ST18: variants seen among roughly 807,000 people sequenced by gnomAD.
The protein encoded by ST18 is suppression of tumorigenicity 18 protein.
A neutral mutation model predicts 110.0 loss-of-function variants in ST18; 50 were observed. The observed-to-expected ratio is 0.45, with a 90% CI of 0.36 to 0.58. The LOEUF (loss-of-function observed/expected upper bound fraction) is 0.58, where lower values mean the gene tolerates loss of function less well. ST18 is among the 20% of genes least tolerant of loss of function. The pLI, the probability that ST18 is intolerant of heterozygous loss-of-function variation, is 0.00. For synonymous variants in ST18, 461 were observed against 452.4 expected, an observed-to-expected ratio of 1.02 and a Z score of -0.24; for missense variants, 1,306 against 1,280.1, an observed-to-expected ratio of 1.02 and a Z score of -0.31.
chr8:52,181,696 T>C (rs1233562017), intron 8 of ST18, among the ~76,000 whole-genome samples: 1 of 152,108 alleles, frequency 6.6e-6, no homozygotes, highest in Non-Finnish European at 1.5e-5. Flanking sequence ...CAGATGACTG[T>C]GGGAGCAAAC....
At chr8:52,165,915 A>G (rs1230462334) in intron 11 of ST18, among the ~76,000 whole-genome samples, 3 of 152,216 alleles carry the variant, frequency 2.0e-5, no homozygotes, top group African/African-American at 7.2e-5. Flanking sequence ...ATATTGTACA[A>G]TGTAGAAGGT....
intron 8 of ST18, among the ~76,000 whole-genome samples, chr8:52,187,523 C>A (rs2072803192): frequency 6.6e-6 from 1 of 152,124 alleles, no homozygotes; most frequent in Non-Finnish European, 1.5e-5. Flanking sequence ...AAAAAGCTTT[C>A]CAAATTAACA....
chr8:52,343,346 G>A (rs977442765), intron 2 of ST18, among the ~76,000 whole-genome samples: 2 of 152,058 alleles, frequency 1.3e-5, no homozygotes, highest in Admixed American at 6.5e-5. Flanking sequence ...TCAAGTTCAC[G>A]CTCCTCATCT....
chr8:52,293,351 G>A (rs1215733828), intron 2 of ST18, among the ~76,000 whole-genome samples: 1 of 152,258 alleles, frequency 6.6e-6, no homozygotes, highest in Non-Finnish European at 1.5e-5. Flanking sequence ...CTCTAGGGAA[G>A]AGGGAAAGGC....
At chr8:52,273,893 A>G (rs922281904) in intron 2 of ST18, among the ~76,000 whole-genome samples, 3 of 152,246 alleles carry the variant, frequency 2.0e-5, no homozygotes, top group Admixed American at 6.5e-5. Context: ...TTAACAAGGC[A>G]ATTCATTAAA....
At chr8:52,187,601 T>G (rs1318949700) in intron 8 of ST18, among the ~76,000 whole-genome samples, 1 of 152,228 alleles carries the variant, frequency 6.6e-6, no homozygotes, top group African/African-American at 2.4e-5. Context: ...AACTTTTTCT[T>G]AAAGGATAAT....
intron 8 of ST18, among the ~76,000 whole-genome samples, chr8:52,208,721 G>C (rs565959106): frequency 1.3e-5 from 2 of 152,330 alleles, no homozygotes; most frequent in East Asian, 3.9e-4. Context: ...GGGAGGCTGA[G>C]GCAGGAGAAT....
rs752634934 is a variant in ST18 at position 52,132,159 on chromosome 8, T to A, written c.2465A>T (p.Asp822Val). ...PELKCPVIGC[D>V]GQGHISGKYT... ...TTTACCTGATATGTGACCTTGGCCA[T>A]CACACCCTATCACAGGACATCTAGA... The change falls in exon 22 of 26, where the codon GAT becomes GTT. Residue 822 changes from aspartate to valine, a missense_variant. Physicochemically the swap from Asp to Val is radical, Grantham distance 152. Transcript: ENST00000689386. 5 of 1,612,510 alleles carry A rather than the reference T, an allele frequency of 3.1e-6. No homozygotes were observed. The Admixed American group carries it at 8.3e-5, about 27-fold the overall frequency.
chr8:52,385,122 T>A (rs1412855954), intron 2 of ST18, among the ~76,000 whole-genome samples: 6 of 152,160 alleles, frequency 3.9e-5, no homozygotes, highest in Admixed American at 3.9e-4. Flanking sequence ...TCTAGAATAA[T>A]TGACATCTAA....
chr8:52,343,922 AAC>A (rs1816429675), intron 2 of ST18, among the ~76,000 whole-genome samples: 1 of 151,886 alleles, frequency 6.6e-6, no homozygotes, highest in Admixed American at 6.5e-5. Flanking sequence ...AGCTAACATA[AAC>A]ACACAGTGTG....
intron 2 of ST18, among the ~76,000 whole-genome samples, chr8:52,397,058 T>C (rs1841395439): frequency 6.6e-6 from 1 of 152,218 alleles, no homozygotes; most frequent in South Asian, 2.1e-4. Flanking sequence ...GAAACCTCCA[T>C]ACTGTTTTTC....
In ST18 at chr8:52,172,551, G is replaced by T; in HGVS notation, c.310C>A (p.Leu104Ile). 6.3e-7 allele frequency: 1 copy of T among 1,596,982 alleles called. No homozygotes were observed. Among genetic ancestry groups the T allele is most frequent in the Non-Finnish European group, 8.5e-7 (1 of 1,173,650 alleles). ...EIMIKPMDES[L>I]LSTAQENSSR... ...GAGTTTTCTTGTGCAGTTGAAAGAA[G>T]ACTTTCATCCATAGGTTTTATCATG... The change falls in exon 10 of 26, where the codon CTT (leucine) becomes ATT (isoleucine). Residue 104 changes from leucine to isoleucine, a missense_variant. By Grantham distance (5) the Leu-to-Ile change is conservative (BLOSUM62 2). Coordinates refer to ENST00000689386, the MANE Select transcript of ST18 (RefSeq NM_001352837.2).
intron 2 of ST18, among the ~76,000 whole-genome samples, chr8:52,251,533 G>T (rs2094306870): frequency 6.6e-6 from 1 of 151,962 alleles, no homozygotes; most frequent in Non-Finnish European, 1.5e-5. Flanking sequence ...GAAGTGATTG[G>T]GAATGATTGG....
At chr8:52,359,694 G>A (rs918376928) in intron 2 of ST18, among the ~76,000 whole-genome samples, 11 of 152,072 alleles carry the variant, frequency 7.2e-5, no homozygotes, top group Non-Finnish European at 1.3e-4. Context: ...AATCCAAAGA[G>A]TCTAACTTCA....
chr8:52,153,687 G>A (rs1247671036), intron 15 of ST18, among the ~76,000 whole-genome samples: 1 of 152,168 alleles, frequency 6.6e-6, no homozygotes, highest in Non-Finnish European at 1.5e-5. Flanking sequence ...TTGGAATCAT[G>A]GTCCACGCTG....
intron 23 of ST18, 66 bp downstream of exon 23, chr8:52,125,986 G>T: frequency 7.9e-7 from 1 of 1,268,816 alleles, no homozygotes; most frequent in Non-Finnish European, 1.1e-6. Context: ...TTGACACACG[G>T]AACGCTTTGG....
chr8:52,370,575 A>G (rs1829908434), intron 2 of ST18, among the ~76,000 whole-genome samples: 1 of 152,212 alleles, frequency 6.6e-6, no homozygotes, highest in Non-Finnish European at 1.5e-5. Context: ...GACATTCCTT[A>G]GACAAAACAT....
rs538351568 is a variant in ST18 at position 52,263,739 on chromosome 8, C to G, written c.-464-33662G>C. On this transcript the variant is annotated intron_variant, in intron 2 of 25. Coordinates refer to ENST00000689386, the MANE Select transcript of ST18 (RefSeq NM_001352837.2). ...GGATTACAGGTGTGAGTCACAGTGC[C>G]TGGCTTTTTTTTTTTTTTTTTTTTT... 1.2e-4 allele frequency among the ~76,000 whole-genome samples: 17 copies of G among 136,894 alleles called. No homozygotes were observed. The South Asian group carries it at 1.9e-3, about 15-fold the overall frequency. The allele number at this position is 136,894 out of a possible 152,430, so 89.8% of individuals were successfully genotyped here.
At chr8:52,397,580 T>C (rs1355316565) in intron 2 of ST18, among the ~76,000 whole-genome samples, 2 of 152,206 alleles carry the variant, frequency 1.3e-5, no homozygotes, top group Non-Finnish European at 2.9e-5. Context: ...AGGAGTTTTA[T>C]GGTTTCAGGT....
Sources: allele counts gnomAD v4.1 joint callset (sites outside exome capture counted in the v4.1 genomes callset), GRCh38; gene constraint gnomAD v4.1.1; transcripts MANE v1.5; gene names NCBI Gene and HGNC (gene_info 2026-07-23, HGNC 2026-07-21).